NOA1: variants seen among roughly 807,000 people sequenced by gnomAD.
NOA1 encodes nitric oxide-associated protein 1.
A neutral mutation model predicts 58.4 loss-of-function variants in NOA1; 35 were observed. The ratio of observed to expected loss-of-function variants is 0.60; its 90% CI spans 0.46 to 0.79. The LOEUF (loss-of-function observed/expected upper bound fraction) is 0.79. Among genes scored for constraint, NOA1 ranks in the 30% least tolerant of loss-of-function variants. The probability of loss-of-function intolerance (pLI) is 0.00; values close to 1 mark genes in which losing one functional copy is unlikely to be tolerated. For missense variants in NOA1, 895 were observed against 894.6 expected, an observed-to-expected ratio of 1.00 and a Z score of -0.01; for synonymous variants, 397 against 373.4, an observed-to-expected ratio of 1.06 and a Z score of -0.73.
chr4:56,966,811 A>G, intron 4 of NOA1, 75 bp from the exon 5 acceptor site: 1 of 929,246 alleles, frequency 1.1e-6, no homozygotes, highest in Non-Finnish European at 1.7e-6. Flanking sequence ...AATCAACTAA[A>G]AAAAAAACAA....
At chr4:56,968,312 T>C in intron 4 of NOA1, 72 bp downstream of exon 4, 1 of 1,432,936 alleles carries the variant, frequency 7.0e-7, no homozygotes, top group South Asian at 1.2e-5. Context: ...TCAGTCGTGT[T>C]CATACATCTG....
chr4:56,975,004 C>T (rs1468573974), intron 1 of NOA1, among the ~76,000 whole-genome samples: 2 of 149,588 alleles, frequency 1.3e-5, no homozygotes, highest in Admixed American at 1.3e-4. Flanking sequence ...CACCTGGCCA[C>T]AGAAGTTTCT....
intron 3 of NOA1, among the ~76,000 whole-genome samples, chr4:56,972,481 C>G (rs1006271988): frequency 6.6e-6 from 1 of 152,064 alleles, no homozygotes; most frequent in African/African-American, 2.4e-5. Flanking sequence ...TACCTTAGTC[C>G]CAGATGGCTT....
At chr4:56,968,568 ATAT>A in intron 3 of NOA1, 53 bp from the exon 4 acceptor site, 1 of 1,385,040 alleles carries the variant, frequency 7.2e-7, no homozygotes, top group Non-Finnish European at 9.9e-7. Flanking sequence ...AAAATATGAT[ATAT>A]TATGATTTAC....
intron 1 of NOA1, among the ~76,000 whole-genome samples, chr4:56,975,305 G>A (rs1721883177): frequency 6.6e-6 from 1 of 151,184 alleles, no homozygotes; most frequent in Admixed American, 6.6e-5. Context: ...TTACAGATGT[G>A]AGCCACTGAG....
In NOA1 at chr4:56,977,267, G is replaced by A. The variant is rs916198311; in HGVS notation, c.319C>T (p.Gln107Ter). The A allele has an allele frequency of 6.2e-6, 10 of 1,612,156 alleles. No individual in the cohort carries two copies. In the African/African-American group the frequency reaches 1.2e-4, roughly 19 times the overall value. The stretch of plus-strand genomic sequence containing the variant: ...TGCTGTCGCCGCTCCTCCCGCCGCT[G>A]CTGCCTCTGTCGCTCCTCCTCCTCC... ...QQEEEERQRQ[Q>*]RREERRQQNL... Residue 107 changes from glutamine to a stop codon, truncating the protein, a stop_gained, in exon 1 of 7, where the codon CAG (glutamine) becomes TAG (stop). Coordinates refer to ENST00000264230, the MANE Select transcript of NOA1 (RefSeq NM_032313.4). LOFTEE classifies it high-confidence loss of function.
chr4:56,974,391 C>T (rs969836336), intron 1 of NOA1, among the ~76,000 whole-genome samples: 3 of 152,194 alleles, frequency 2.0e-5, no homozygotes, highest in African/African-American at 7.2e-5. Context: ...GTGGCTCACA[C>T]CTGTAATCCC....
intron 2 of NOA1, among the ~76,000 whole-genome samples, chr4:56,973,609 G>A (rs1721847536): frequency 6.6e-6 from 1 of 152,042 alleles, no homozygotes; most frequent in Non-Finnish European, 1.5e-5. Context: ...AAGAAAGGCT[G>A]AAAAGATATA....
At chr4:56,966,018 CTTTTTTTTTTTTTT>C (rs57382498) in intron 5 of NOA1, among the ~76,000 whole-genome samples, 1 of 88,562 alleles carries the variant, frequency 1.1e-5, no homozygotes, top group Non-Finnish European at 2.1e-5. Flanking sequence ...AGCAAATTTT[CTTTTTTTTTTTTTT>C]TTTTTTTTGA....
intron 3 of NOA1, 150 bp downstream of exon 3, chr4:56,972,998 T>C (rs1721833128): frequency 1.5e-6 from 1 of 666,136 alleles, no homozygotes; most frequent in African/African-American, 1.8e-5. Context: ...AACTCCAGTT[T>C]CCCATTTAGC....
chr4:56,967,045 G>T (rs1466954999), intron 4 of NOA1, among the ~76,000 whole-genome samples: 3 of 152,096 alleles, frequency 2.0e-5, no homozygotes, highest in Admixed American at 6.6e-5. Flanking sequence ...TCTGTGTAAA[G>T]TTAGGTTTAA....
At chr4:56,965,076 T>C (rs1721675404) in intron 5 of NOA1, among the ~76,000 whole-genome samples, 1 of 152,050 alleles carries the variant, frequency 6.6e-6, no homozygotes, top group Non-Finnish European at 1.5e-5. Context: ...ATCAGCTCAC[T>C]GCAACCTCCG....
chr4:56,966,688 C>T lies in NOA1; in HGVS notation c.1696G>A (p.Val566Met), dbSNP rs1345438878. Residue 566 changes from valine to methionine, a missense_variant, in exon 5 of 7, where the codon GTG becomes ATG. Physicochemically the swap from Val to Met is conservative, Grantham distance 21. This residue lies in a region of NOA1 where 212 missense variants were observed against 221.3 expected (regional missense o/e 0.96). Transcript: ENST00000264230. The stretch of plus-strand genomic sequence containing the variant: ...GCCCTGTCCAAGGAGGTGATATGCA[C>T]AGGGAGGATGTTGGAAGCCACGACT... Reference protein sequence around the residue: ...FTVVASNILPVHITSLDRADA... With the variant: ...FTVVASNILPMHITSLDRADA... 4.3e-6 allele frequency: 7 copies of T among 1,613,932 alleles called. No homozygotes were observed. Among genetic ancestry groups the T allele is most frequent in the Non-Finnish European group, 5.9e-6 (7 of 1,179,914 alleles).
intron 2 of NOA1, 47 bp from the exon 3 acceptor site, chr4:56,973,400 T>TA: frequency 7.0e-7 from 1 of 1,431,098 alleles, no homozygotes; most frequent in African/African-American, 1.4e-5. Flanking sequence ...TTAATACTTT[T>TA]AACTCCAGAC....
chr4:56,975,333 T>A (rs952458766), intron 1 of NOA1, among the ~76,000 whole-genome samples: 3 of 149,514 alleles, frequency 2.0e-5, no homozygotes, highest in African/African-American at 7.3e-5. Flanking sequence ...AAGCCACACA[T>A]CAAATTGCAC....
chr4:56,977,502 C>T lies in NOA1; in HGVS notation c.84G>A (p.Arg28=), dbSNP rs1169732501. ...SAPTAARHGL[R]EPLLERRCAA... is the part of the protein sequence containing the mutation. Reference sequence around the variant, plus strand: ...CGCACCTCCTCTCCAGGAGCGGCTCCCGGAGGCCATGGCGCGCTGCCGTGG... The same window carrying T: ...CGCACCTCCTCTCCAGGAGCGGCTCTCGGAGGCCATGGCGCGCTGCCGTGG... Residue 28 remains arginine, a synonymous_variant, in exon 1 of 7, where the codon CGG becomes CGA. Transcript: ENST00000264230. 4.3e-6 allele frequency: 7 copies of T among 1,613,518 alleles called. No homozygotes were observed. The highest frequency in any genetic ancestry group is 5.9e-6 in the Non-Finnish European group (7 of 1,179,990).
At position 56,976,654 on chromosome 4, in the gene NOA1, C is replaced by CAG. The variant is rs1308894870; in HGVS notation, c.931_932insCT (p.Arg311ThrfsTer6). On this transcript the variant is annotated frameshift_variant, in exon 1 of 7. Coordinates refer to ENST00000264230, the MANE Select transcript of NOA1 (RefSeq NM_032313.4). LOFTEE classifies it high-confidence loss of function. Reference sequence around the variant, plus strand: ...CTTGGCGCTGATCAGCCGCACGTCCCTGACCACTGTGCGGGACCAGTTCGG... The same window carrying CAG: ...CTTGGCGCTGATCAGCCGCACGTCCCAGTGACCACTGTGCGGGACCAGTTCGG... 2 of 1,614,056 alleles carry CAG rather than the reference C, an allele frequency of 1.2e-6. No individual in the cohort carries two copies. The highest frequency in any genetic ancestry group is 2.7e-5 in the African/African-American group (2 of 74,954).
Position 56,975,864 on chromosome 4 carries a change from C to G in NOA1, c.1144+578G>C, listed in dbSNP as rs139001704. Among the ~76,000 whole-genome samples the G allele has an allele frequency of 3.3e-3, 507 of 151,580 alleles. 3 individuals are homozygous for G. Among genetic ancestry groups the G allele is most frequent in the African/African-American group, 0.012 (481 of 41,304 alleles). On this transcript the variant is annotated intron_variant, in intron 1 of 6. Transcript: ENST00000264230. ...TGGGCAACAGAGCAAGACAAGACTCCGTCTCAAAAAACAAAACAAAACAAA... is the reference window on the plus strand; with the variant it reads ...TGGGCAACAGAGCAAGACAAGACTCGGTCTCAAAAAACAAAACAAAACAAA...
rs1163623991 is a variant in NOA1 at position 56,964,562 on chromosome 4, T to G, written c.1765-36A>C. On this transcript the variant is annotated intron_variant, in intron 5 of 6. Coordinates refer to ENST00000264230, the MANE Select transcript of NOA1 (RefSeq NM_032313.4). Reference sequence around the variant, plus strand: ...AATAAAGATATTTACAAGTTCAAATTAAATTTCTTGGAACTCTAACATTAA... The same window carrying G: ...AATAAAGATATTTACAAGTTCAAATGAAATTTCTTGGAACTCTAACATTAA... 2.5e-6 allele frequency: 4 copies of G among 1,604,450 alleles called. No homozygotes were observed. In the South Asian group the frequency reaches 4.5e-5, roughly 18 times the overall value.
Sources: allele counts gnomAD v4.1 joint callset (sites outside exome capture counted in the v4.1 genomes callset), GRCh38; gene constraint gnomAD v4.1.1; regional missense constraint gnomAD v4.1.1; transcripts MANE v1.5; gene names NCBI Gene and HGNC (gene_info 2026-07-23, HGNC 2026-07-21).